Variants in DCTD observed in about 807,000 individuals in gnomAD.
The protein encoded by DCTD is dCMP deaminase, also known as deoxycytidylate deaminase.
A neutral mutation model predicts 21.0 loss-of-function variants in DCTD; 23 were observed. The ratio of observed to expected loss-of-function variants is 1.09; its 90% CI spans 0.79 to 1.55. The LOEUF is 1.55. Ranked by LOEUF, DCTD falls within the 40% of genes most tolerant of loss-of-function variation. The pLI is 0.00. For synonymous variants in DCTD, 71 were observed against 81.1 expected (o/e 0.88, Z 0.67); for missense variants, 224 against 230.0 (o/e 0.97, Z 0.17).
intron 3 of DCTD, among the ~76,000 whole-genome samples, chr4:182,907,022 A>G (rs751669192): frequency 1.3e-5 from 2 of 152,230 alleles, no homozygotes; most frequent in Admixed American, 1.3e-4. Context: ...CTTGTTCTCT[A>G]AAGAATTTCT....
chr4:182,900,935 T>C (rs1034382399), intron 3 of DCTD, among the ~76,000 whole-genome samples: 56 of 152,212 alleles, frequency 3.7e-4, no homozygotes, highest in African/African-American at 1.3e-3. Flanking sequence ...GAGAAGAGAC[T>C]GTATAATTAG....
intron 3 of DCTD, among the ~76,000 whole-genome samples, chr4:182,902,669 G>C (rs1735953194): frequency 1.3e-5 from 2 of 152,246 alleles, no homozygotes; most frequent in Admixed American, 1.3e-4. Flanking sequence ...AGTTTCCCAG[G>C]TATGTTCTGG....
intron 2 of DCTD, 64 bp from the exon 3 acceptor site, chr4:182,915,122 G>A (rs1738483747): frequency 7.5e-6 from 12 of 1,606,538 alleles, no homozygotes; most frequent in South Asian, 1.1e-5. Flanking sequence ...TGTGGAAGCA[G>A]GGAATAAAAC....
At chr4:182,906,394 G>T (rs544541517) in intron 3 of DCTD, among the ~76,000 whole-genome samples, 26 of 152,316 alleles carry the variant, frequency 1.7e-4, no homozygotes, top group Non-Finnish European at 3.4e-4. Flanking sequence ...TTCAAAAACA[G>T]AGACCCTCCC....
At chr4:182,898,121 T>C (rs1735073472) in intron 3 of DCTD, among the ~76,000 whole-genome samples, 1 of 152,228 alleles carries the variant, frequency 6.6e-6, no homozygotes, top group South Asian at 2.1e-4. Flanking sequence ...CATTTACTTG[T>C]GTCGACTGGC....
At position 182,915,044 on chromosome 4, in the gene DCTD, G is replaced by A. The variant is rs537202360; in HGVS notation, c.123C>T (p.Ile41=). Residue 41 remains isoleucine (I), a synonymous_variant, in exon 3 of 6, where the codon ATC becomes ATT. Coordinates refer to ENST00000438320, the MANE Select transcript of DCTD (RefSeq NM_001921.3). ...KDPNSQVGAC[I]VNSENKIVGI... ...CGACAATCTTGTTTTCTGAATTCAC[G>A]ATGCAGGCGCCGACCTAGAAGGAAA... 18 of 1,614,204 alleles carry A rather than the reference G, an allele frequency of 1.1e-5. No individual in the cohort carries two copies. In the African/African-American group the frequency reaches 1.2e-4, roughly 11 times the overall value.
Position 182,917,362 on chromosome 4 carries a change from T to C in DCTD, c.-59A>G, listed in dbSNP as rs1242093525. On this transcript the variant is annotated 5_prime_UTR_variant, in exon 1 of 6. Coordinates refer to ENST00000438320, the MANE Select transcript of DCTD (RefSeq NM_001921.3). The surrounding 1 kb of genome is among the most constrained non-coding windows in gnomAD (Gnocchi z 4.9). Reference sequence around the variant, plus strand: ...CCGGTGCTCGTCCCCGCCGCCGCCGTGCTCAGGGAAGGAAGTCGGGGGAGG... The same window carrying C: ...CCGGTGCTCGTCCCCGCCGCCGCCGCGCTCAGGGAAGGAAGTCGGGGGAGG... 10 of 1,085,696 alleles carry C rather than the reference T, an allele frequency of 9.2e-6. No individual in the cohort carries two copies. Among genetic ancestry groups the C allele is most frequent in the African/African-American group, 1.7e-5 (1 of 59,444 alleles). 67.3% of individuals were successfully genotyped at this position (1,085,696 alleles called of 1,614,324 possible).
At chr4:182,893,648 C>T (rs1734208010) in intron 4 of DCTD, among the ~76,000 whole-genome samples, 1 of 152,284 alleles carries the variant, frequency 6.6e-6, no homozygotes, top group South Asian at 2.1e-4. Context: ...GCACTGAAGG[C>T]CGCTGCTCCA....
chr4:182,914,900 A>G, intron 3 of DCTD, 23 bp downstream of exon 3: 1 of 1,614,068 alleles, frequency 6.2e-7, no homozygotes, highest in Non-Finnish European at 8.5e-7. Flanking sequence ...ACTAAGCAGA[A>G]TGGGACATAA....
chr4:182,900,923 T>C (rs1368603189), intron 3 of DCTD, among the ~76,000 whole-genome samples: 1 of 151,836 alleles, frequency 6.6e-6, no homozygotes, highest in East Asian at 1.9e-4. Context: ...CCTTGGACCA[T>C]GGAGAAGAGA....
chr4:182,893,147 G>C lies in DCTD; in HGVS notation c.362-20C>G, dbSNP rs1734113010. 6.8e-7 allele frequency: 1 copy of C among 1,461,250 alleles called. No individual in the cohort carries two copies. The highest frequency in any genetic ancestry group is 9.6e-7 in the Non-Finnish European group (1 of 1,044,344). 90.5% of individuals were successfully genotyped at this position (1,461,250 alleles called of 1,614,324 possible). A position where few individuals can be genotyped will look rare whatever the true frequency, so the allele number is the denominator to read the frequency against. ...TTATACCTGTAAGGTAACAATGGGA[G>C]CTCCCTTAGTGTACGCACCTACAGA... On this transcript the variant is annotated intron_variant, in intron 4 of 5. Coordinates refer to ENST00000438320, the MANE Select transcript of DCTD (RefSeq NM_001921.3).
At chr4:182,900,606 AAAAG>A (rs984578076) in intron 3 of DCTD, among the ~76,000 whole-genome samples, 16 of 152,152 alleles carry the variant, frequency 1.1e-4, no homozygotes, top group African/African-American at 3.9e-4. Context: ...TGTAAAAAAA[AAAAG>A]AAAAAAAGAT....
Position 182,904,094 on chromosome 4 carries a change from C to A in DCTD, c.245-9489G>T, listed in dbSNP as rs569388195. Among the ~76,000 whole-genome samples the A allele has an allele frequency of 2.6e-5, 4 of 152,234 alleles. No homozygotes were observed. In the East Asian group the frequency reaches 5.8e-4, roughly 22 times the overall value. ...TCTCCCACTCTGCTCCCCATCCCTG[C>A]CCCCTTCCTCAATGCCTCTTGCTAA... On this transcript the variant is annotated intron_variant, in intron 3 of 5. Transcript: ENST00000438320.
chr4:182,913,043 G>A (rs899662495), intron 3 of DCTD, among the ~76,000 whole-genome samples: 7 of 152,072 alleles, frequency 4.6e-5, no homozygotes, highest in Non-Finnish European at 7.3e-5. Flanking sequence ...TTAACATATC[G>A]ACCCTCCACT....
chr4:182,912,512 A>C (rs777635178), intron 3 of DCTD, among the ~76,000 whole-genome samples: 5 of 152,246 alleles, frequency 3.3e-5, no homozygotes, highest in Non-Finnish European at 7.3e-5. Context: ...CATATGGATA[A>C]TAAAAAATAA....
At chr4:182,900,067 C>G (rs1481551867) in intron 3 of DCTD, among the ~76,000 whole-genome samples, 1 of 152,170 alleles carries the variant, frequency 6.6e-6, no homozygotes, top group Non-Finnish European at 1.5e-5. Context: ...GTAATCCCAG[C>G]ACTTTGGGAG....
chr4:182,894,695 A>C, intron 3 of DCTD, 90 bp from the exon 4 acceptor site: 1 of 815,286 alleles, frequency 1.2e-6, no homozygotes, highest in South Asian at 1.4e-5. Context: ...CCCCCTCTGA[A>C]ATAACATATA....
intron 1 of DCTD, 130 bp from the exon 2 acceptor site, chr4:182,915,705 G>C: frequency 1.3e-6 from 1 of 791,278 alleles, no homozygotes; most frequent in Non-Finnish European, 2.1e-6. Context: ...TTATCAATCA[G>C]AAATCACAGC....
chr4:182,893,772 C>T (rs575870896), intron 4 of DCTD, among the ~76,000 whole-genome samples: 30 of 152,354 alleles, frequency 2.0e-4, no homozygotes, highest in African/African-American at 6.3e-4. Context: ...GGAACGGTGA[C>T]GGCGACAGCC....
Sources: allele counts gnomAD v4.1 joint callset (sites outside exome capture counted in the v4.1 genomes callset), GRCh38; gene constraint gnomAD v4.1.1; non-coding constraint Gnocchi (gnomAD v3.1); transcripts MANE v1.5; gene names NCBI Gene and HGNC (gene_info 2026-07-23, HGNC 2026-07-21).